Variants in TBC1D1 observed in about 807,000 individuals in gnomAD.
The protein encoded by TBC1D1 is TBC1 domain family member 1.
TBC1D1 carries 89 observed loss-of-function variants against 125.6 expected under a neutral mutation model. The observed-to-expected ratio is 0.71, with a 90% confidence interval of 0.60 to 0.85. TBC1D1 has a LOEUF of 0.85. Among genes scored for constraint, TBC1D1 ranks in the 40% least tolerant of loss-of-function variants. The pLI, the probability that TBC1D1 is intolerant of heterozygous loss-of-function variation, is 0.00. For missense variants in TBC1D1, 1,377 were observed against 1,469.2 expected (o/e 0.94, Z 1.03); for synonymous variants, 565 against 564.1 (o/e 1.00, Z -0.02).
chr4:38,034,980 G>A (rs2152456953), intron 7 of TBC1D1, among the ~76,000 whole-genome samples: 1 of 152,290 alleles, frequency 6.6e-6, no homozygotes, highest in East Asian at 1.9e-4. Context: ...ACACTTCTCG[G>A]CAGCAGCCGG....
chr4:37,943,060 G>T (rs1725922190), intron 2 of TBC1D1, among the ~76,000 whole-genome samples: 2 of 152,144 alleles, frequency 1.3e-5, no homozygotes, highest in African/African-American at 4.8e-5. Context: ...GCATTTGCTT[G>T]TCTGTAAAGG....
chr4:38,029,680 T>G (rs1208161340), intron 7 of TBC1D1, among the ~76,000 whole-genome samples: 1 of 152,230 alleles, frequency 6.6e-6, no homozygotes, highest in Non-Finnish European at 1.5e-5. Flanking sequence ...TTTCTCATTT[T>G]AATCACGTTA....
chr4:38,137,181 T>A lies in TBC1D1; in HGVS notation c.3353T>A (p.Leu1118His). ...AGCCTTGAGGCCACCATTGAGAAGC[T>A]CCTGAGCAGTGAGAGCAAGCTGAAG... is the stretch of plus-strand genomic sequence containing the variant. Residue 1118 changes from leucine (L) to histidine (H), a missense_variant, in exon 20 of 20, where the codon CTC (leucine) becomes CAC (histidine). Physicochemically the swap from Leu to His is moderately conservative, Grantham distance 99 (BLOSUM62 -3). Around this residue, in one of 3 missense-constraint regions of TBC1D1, gnomAD observed 543 missense variants for 613.5 expected, o/e 0.89. Coordinates refer to ENST00000261439, the MANE Select transcript of TBC1D1 (RefSeq NM_015173.4). The A allele has an allele frequency of 6.2e-7, 1 of 1,613,428 alleles. No homozygotes were observed.
At chr4:38,114,029 C>T (rs984010773) in intron 15 of TBC1D1, among the ~76,000 whole-genome samples, 1 of 149,140 alleles carries the variant, frequency 6.7e-6, no homozygotes, top group Non-Finnish European at 1.5e-5. Context: ...GCATGTGCTG[C>T]TACCCATTGT....
chr4:37,980,413 A>G (rs1734119324), intron 2 of TBC1D1, among the ~76,000 whole-genome samples: 1 of 152,200 alleles, frequency 6.6e-6, no homozygotes, highest in Non-Finnish European at 1.5e-5. Flanking sequence ...TTTCATAGTA[A>G]ACTCACAGAT....
At chr4:37,978,868 C>G (rs1560561765) in intron 2 of TBC1D1, among the ~76,000 whole-genome samples, 5 of 152,160 alleles carry the variant, frequency 3.3e-5, no homozygotes. Flanking sequence ...GATTCTGAAT[C>G]TTGTTATTTC....
intron 8 of TBC1D1, among the ~76,000 whole-genome samples, chr4:38,036,269 G>T (rs1747191355): frequency 6.6e-6 from 1 of 152,166 alleles, no homozygotes. Context: ...TCTCAAGGCA[G>T]AAGCTGGGGC....
At chr4:37,993,261 T>C (rs1459117286) in intron 2 of TBC1D1, among the ~76,000 whole-genome samples, 1 of 152,158 alleles carries the variant, frequency 6.6e-6, no homozygotes, top group Non-Finnish European at 1.5e-5. Flanking sequence ...CAGAACACTA[T>C]GAAGAATCTT....
chr4:37,947,028 G>A (rs1406867504), intron 2 of TBC1D1, among the ~76,000 whole-genome samples: 2 of 152,206 alleles, frequency 1.3e-5, no homozygotes, highest in African/African-American at 2.4e-5. Flanking sequence ...AGGGATGGAC[G>A]GATGATGAAC....
At chr4:38,052,708 ACACACG>A (rs1436291151) in intron 11 of TBC1D1, among the ~76,000 whole-genome samples, 1 of 91,342 alleles carries the variant, frequency 1.1e-5, no homozygotes, top group East Asian at 2.7e-4. Flanking sequence ...GTATATACAC[ACACACG>A]CGCGCGCGCG....
chr4:38,005,205 T>C (rs1212355624), intron 2 of TBC1D1, among the ~76,000 whole-genome samples: 1 of 152,170 alleles, frequency 6.6e-6, no homozygotes, highest in East Asian at 1.9e-4. Context: ...TCCGGAGATA[T>C]AAATGTGTGC....
intron 2 of TBC1D1, among the ~76,000 whole-genome samples, chr4:37,904,255 G>A (rs73810031): frequency 0.024 from 3,695 of 152,224 alleles, 147 homozygotes; most frequent in African/African-American, 0.083. Flanking sequence ...TTCATTTCAC[G>A]TCTTAGGTAA....
intron 14 of TBC1D1, among the ~76,000 whole-genome samples, chr4:38,098,169 G>A (rs1372421088): frequency 2.6e-5 from 4 of 152,270 alleles, no homozygotes; most frequent in Non-Finnish European, 4.4e-5. Context: ...CTTGCACTGA[G>A]CAGAGGATCT....
chr4:38,111,023 G>A (rs1157228791), intron 15 of TBC1D1, among the ~76,000 whole-genome samples: 1 of 152,254 alleles, frequency 6.6e-6, no homozygotes, highest in Non-Finnish European at 1.5e-5. Context: ...GTGAGGGGCT[G>A]AGTGTGTTCT....
intron 17 of TBC1D1, among the ~76,000 whole-genome samples, chr4:38,123,578 C>T (rs1238157482): frequency 1.3e-5 from 2 of 152,210 alleles, no homozygotes; most frequent in Non-Finnish European, 2.9e-5. Flanking sequence ...TCTTCCCAGC[C>T]TCAACAACCA....
Position 38,118,015 on chromosome 4 carries a change from G to T in TBC1D1, c.2803-18G>T. On this transcript the variant is annotated intron_variant, in intron 16 of 19. Coordinates refer to ENST00000261439, the MANE Select transcript of TBC1D1 (RefSeq NM_015173.4). Reference sequence around the variant, plus strand: ...GGCAGATCCCTAATTCTCAGCCCTTGTGGCTGTCTTCCTGCAGATCCAGAT... The same window carrying T: ...GGCAGATCCCTAATTCTCAGCCCTTTTGGCTGTCTTCCTGCAGATCCAGAT... The T allele has an allele frequency of 6.2e-7, 1 of 1,613,402 alleles. No homozygotes were observed. Among genetic ancestry groups the T allele is most frequent in the Middle Eastern group, 1.7e-4 (1 of 6,058 alleles).
chr4:38,033,637 G>A (rs1421150050), intron 7 of TBC1D1, among the ~76,000 whole-genome samples: 2 of 152,166 alleles, frequency 1.3e-5, no homozygotes, highest in Non-Finnish European at 2.9e-5. Flanking sequence ...GATGCTTAAT[G>A]TCATGTGCCC....
intron 12 of TBC1D1, among the ~76,000 whole-genome samples, chr4:38,075,330 CTT>C: frequency 6.6e-6 from 1 of 152,266 alleles, no homozygotes; most frequent in Non-Finnish European, 1.5e-5. Flanking sequence ...AAGCCTGAAA[CTT>C]AACACAAACC....
At chr4:37,982,738 T>G (rs1734591017) in intron 2 of TBC1D1, among the ~76,000 whole-genome samples, 1 of 152,218 alleles carries the variant, frequency 6.6e-6, no homozygotes, top group African/African-American at 2.4e-5. Flanking sequence ...ATAATTTGTT[T>G]CCTTAGACAA....
Sources: allele counts gnomAD v4.1 joint callset (sites outside exome capture counted in the v4.1 genomes callset), GRCh38; gene constraint gnomAD v4.1.1; regional missense constraint gnomAD v4.1.1; transcripts MANE v1.5; gene names NCBI Gene and HGNC (gene_info 2026-07-23, HGNC 2026-07-21).